The following DVL1 variants were observed in gnomAD, a reference collection of about 807,000 sequenced individuals.
The protein encoded by DVL1 is dishevelled segment polarity protein 1, also known as segment polarity protein dishevelled homolog DVL-1.
A neutral mutation model predicts 65.0 loss-of-function variants in DVL1; 49 were observed. The observed-to-expected ratio is 0.75, with a 90% confidence interval of 0.60 to 0.96. The LOEUF (loss-of-function observed/expected upper bound fraction) is 0.96, where lower values mean the gene tolerates loss of function less well. Ranked by LOEUF, DVL1 falls within the 40% of genes least tolerant of loss-of-function variation. The pLI is 0.00. For synonymous variants in DVL1, 608 were observed against 433.9 expected (o/e 1.40, Z -4.99); for missense variants, 1,197 against 1,045.4 (o/e 1.15, Z -2.00).
At chr1:1,347,803 C>T (rs1041392446) in intron 1 of DVL1, among the ~76,000 whole-genome samples, 2 of 152,094 alleles carry the variant, frequency 1.3e-5, no homozygotes, top group African/African-American at 4.8e-5. Context: ...GAGTGGGGAG[C>T]GCCCAGCCTT....
In DVL1 at chr1:1,339,601, G is replaced by A. The variant is rs750694359; in HGVS notation, c.1035C>T (p.Ser345=). The A allele has an allele frequency of 6.2e-6, 10 of 1,607,236 alleles. No individual in the cohort carries two copies. In the African/African-American group the frequency reaches 1.1e-4, roughly 17 times the overall value. ...ACTCACCCCGTGGGACGGTGAAGTA[G>A]CTTCGGGGCGTTGGGTCCCAGCACT... ...VAKCWDPTPR[S]YFTVPRADPV... is the part of the protein sequence containing the mutation. The change falls in exon 10 of 15, where the codon AGC becomes AGT. Residue 345 remains serine (S), a synonymous_variant. Transcript: ENST00000378888.
chr1:1,340,905 G>A (rs1273015274), intron 5 of DVL1, among the ~76,000 whole-genome samples: 1 of 136,276 alleles, frequency 7.3e-6, no homozygotes, highest in Non-Finnish European at 1.5e-5. Flanking sequence ...ACGCACGCAT[G>A]AACACACGCA....
intron 1 of DVL1, among the ~76,000 whole-genome samples, chr1:1,346,870 C>T (rs1643921803): frequency 6.6e-6 from 1 of 152,216 alleles, no homozygotes; most frequent in Admixed American, 6.5e-5. Flanking sequence ...TCTCCAACTA[C>T]ATTCGCTTGG....
intron 14 of DVL1, chr1:1,336,931 G>C: frequency 2.2e-6 from 2 of 915,750 alleles, no homozygotes; most frequent in Middle Eastern, 1.1e-3. Context: ...GCTCAGCCCT[G>C]TCCTGGGCTC....
Position 1,337,993 on chromosome 1 carries a change from C to T in DVL1, c.1698G>A (p.Gly566=), listed in dbSNP as rs1260242744. ...CGTTCTCACCTTCACTCTGCTGACTCCCGGTGCTGCCGCTGCCATAGCTAA... is the reference window on the plus strand; with the variant it reads ...CGTTCTCACCTTCACTCTGCTGACTTCCGGTGCTGCCGCTGCCATAGCTAA... ...PGFSYGSGST[G]SQQSEGSKSS... Residue 566 remains glycine, a synonymous_variant, in exon 14 of 15, where the codon GGG becomes GGA. Coordinates refer to ENST00000378888, the MANE Select transcript of DVL1 (RefSeq NM_001330311.2). 3 of 1,611,488 alleles carry T rather than the reference C, an allele frequency of 1.9e-6. No individual in the cohort carries two copies. The highest frequency in any genetic ancestry group is 1.7e-6 in the Non-Finnish European group (2 of 1,179,650).
Position 1,339,267 on chromosome 1 carries a change from C to T in DVL1, c.1207+20G>A. On this transcript the variant is annotated intron_variant, in intron 11 of 14. Transcript: ENST00000378888. ...TCCAAGCCTCGGTTTCTGCTGGGGC[C>T]CTCAGGAGCTGCCACTTACGTGGAG... 2.6e-6 allele frequency: 4 copies of T among 1,548,278 alleles called. No homozygotes were observed. The highest frequency in any genetic ancestry group is 2.3e-4 in the Middle Eastern group (1 of 4,364).
chr1:1,340,799 C>A (rs1322668011), intron 5 of DVL1, among the ~76,000 whole-genome samples: 2 of 150,420 alleles, frequency 1.3e-5, no homozygotes, highest in African/African-American at 2.5e-5. Context: ...CACCCCTGCA[C>A]AAGGCACACA....
rs899047970 is a variant in DVL1 at position 1,337,002 on chromosome 1, C to T, written c.1715-487G>A. The T allele has an allele frequency of 7.3e-5, 72 of 990,794 alleles. 1 individual carries two copies. The highest frequency in any genetic ancestry group is 5.1e-4 in the Middle Eastern group (1 of 1,956). The allele number at this position is 990,794 out of a possible 1,614,324, so 61.4% of individuals were successfully genotyped here. A position where few individuals can be genotyped will look rare whatever the true frequency, so the allele number is the denominator to read the frequency against. ...TGGGGACATGCTGAGGGACCCCGGG[C>T]GGGACCCTGGCTTACCGGCCCAAGG... On this transcript the variant is annotated intron_variant, in intron 14 of 14. Coordinates refer to ENST00000378888, the MANE Select transcript of DVL1 (RefSeq NM_001330311.2).
intron 1 of DVL1, among the ~76,000 whole-genome samples, chr1:1,348,579 C>CG (rs561340632): frequency 5.6e-4 from 86 of 152,352 alleles, no homozygotes; most frequent in African/African-American, 2.0e-3. Context: ...CCCGCACCAA[C>CG]GGCAGGCGCT....
In DVL1 at chr1:1,335,840, G is replaced by A; in HGVS notation, c.*302C>T. ...GGGCACAGCTGTGCAGGAGGTGGGGGTCAGCCGAGAGCCCGAGGGGGTCTT... is the reference window on the plus strand; with the variant it reads ...GGGCACAGCTGTGCAGGAGGTGGGGATCAGCCGAGAGCCCGAGGGGGTCTT... On this transcript the variant is annotated 3_prime_UTR_variant, in exon 15 of 15. Coordinates refer to ENST00000378888, the MANE Select transcript of DVL1 (RefSeq NM_001330311.2). 1 of 465,928 alleles carries A rather than the reference G, an allele frequency of 2.1e-6. No individual in the cohort carries two copies. Among genetic ancestry groups the A allele is most frequent in the Non-Finnish European group, 3.8e-6 (1 of 259,776 alleles). The allele number at this position is 465,928 out of a possible 1,614,324, so 28.9% of individuals were successfully genotyped here.
chr1:1,337,183 G>C (rs1267812649), intron 14 of DVL1: 2 of 743,488 alleles, frequency 2.7e-6, no homozygotes, highest in Non-Finnish European at 3.3e-6. Flanking sequence ...CGCAAGCGCC[G>C]GTCGAGGGTC....
chr1:1,341,766 C>T lies in DVL1; in HGVS notation c.506G>A (p.Arg169Gln), dbSNP rs771316976. 26 of 1,603,422 alleles carry T rather than the reference C, an allele frequency of 1.6e-5. No homozygotes were observed. The highest frequency in any genetic ancestry group is 1.7e-4 in the Middle Eastern group (1 of 6,056). Reference protein sequence around the residue: ...TNGHPRGDRRRDVGLPPDSAS... With the variant: ...TNGHPRGDRRQDVGLPPDSAS... ...GCTGTCTGGGGGCAGCCCCACATCCCGCCGTCGGTCTCCCCTTGGGTGCCC... is the reference window on the plus strand; with the variant it reads ...GCTGTCTGGGGGCAGCCCCACATCCTGCCGTCGGTCTCCCCTTGGGTGCCC... Residue 169 changes from arginine to glutamine, a missense_variant, in exon 5 of 15, where the codon CGG becomes CAG. By Grantham distance (43) the Arg-to-Gln change is conservative (BLOSUM62 1). Coordinates refer to ENST00000378888, the MANE Select transcript of DVL1 (RefSeq NM_001330311.2).
At chr1:1,338,712 C>A in intron 11 of DVL1, 59 bp from the exon 12 acceptor site, 1 of 1,569,130 alleles carries the variant, frequency 6.4e-7, no homozygotes, top group Non-Finnish European at 8.6e-7. Flanking sequence ...GGACTCAGGG[C>A]CCTGCACCCC....
At chr1:1,348,737 C>A (rs796702211) in intron 1 of DVL1, among the ~76,000 whole-genome samples, 159 bp downstream of exon 1, 1 of 151,890 alleles carries the variant, frequency 6.6e-6, no homozygotes, top group Non-Finnish European at 1.5e-5. Flanking sequence ...GCGCCGCACA[C>A]GGGCCGAGGC....
At position 1,339,728 on chromosome 1, in the gene DVL1, G is replaced by C; in HGVS notation, c.986+8C>G. On this transcript the variant is annotated splice_region_variant and intron_variant, in intron 9 of 14. Transcript: ENST00000378888. ...GGCCCCTCCCGCTCCAGCGCCCCCA[G>C]CCCTCACCCCGTCTGGGAAACGATC... 4.3e-6 allele frequency: 7 copies of C among 1,612,966 alleles called. No individual in the cohort carries two copies. Among genetic ancestry groups the C allele is most frequent in the Non-Finnish European group, 5.9e-6 (7 of 1,179,856 alleles).
intron 1 of DVL1, among the ~76,000 whole-genome samples, chr1:1,344,903 G>A (rs1489040775): frequency 6.6e-6 from 1 of 152,118 alleles, no homozygotes; most frequent in Non-Finnish European, 1.5e-5. Flanking sequence ...GCCCCAGGTG[G>A]CCTGGCCGGC....
chr1:1,346,451 G>C (rs1421026069), intron 1 of DVL1, among the ~76,000 whole-genome samples: 1 of 152,206 alleles, frequency 6.6e-6, no homozygotes. Context: ...CTCGGCCCAA[G>C]GCTGGGCGAG....
chr1:1,341,459 C>T (rs1168765635), intron 5 of DVL1, among the ~76,000 whole-genome samples: 2 of 152,220 alleles, frequency 1.3e-5, no homozygotes, highest in East Asian at 1.9e-4. Context: ...CACACAGGCG[C>T]GCACACACGT....
intron 1 of DVL1, among the ~76,000 whole-genome samples, chr1:1,344,183 G>A (rs1421532244): frequency 6.6e-6 from 1 of 152,106 alleles, no homozygotes; most frequent in Non-Finnish European, 1.5e-5. Context: ...GCCGCCTCGT[G>A]GCACCCTGCC....
Sources: allele counts gnomAD v4.1 joint callset (sites outside exome capture counted in the v4.1 genomes callset), GRCh38; gene constraint gnomAD v4.1.1; transcripts MANE v1.5; gene names NCBI Gene and HGNC (gene_info 2026-07-23, HGNC 2026-07-21).